RNMT: variants seen among roughly 807,000 people sequenced by gnomAD.
RNMT encodes mRNA cap guanine-N(7) methyltransferase.
Under a neutral mutation model 56.0 loss-of-function variants are expected in RNMT, and 27 were observed. The observed-to-expected ratio is 0.48, with a 90% CI of 0.36 to 0.67. The LOEUF is 0.67. Among genes scored for constraint, RNMT ranks in the 30% least tolerant of loss-of-function variants. The pLI is 0.00. For missense variants in RNMT, 519 were observed against 552.1 expected, an observed-to-expected ratio of 0.94 and a Z score of 0.60; for synonymous variants, 184 against 176.2, an observed-to-expected ratio of 1.04 and a Z score of -0.35.
intron 3 of RNMT, among the ~76,000 whole-genome samples, chr18:13,732,738 C>T (rs2044092592): frequency 7.5e-5 from 1 of 13,368 alleles, no homozygotes; most frequent in Non-Finnish European, 1.7e-4. Flanking sequence ...GAGGGGAGCC[C>T]CCCCTTTTTT....
At chr18:13,737,993 G>C (rs994840949) in intron 5 of RNMT, among the ~76,000 whole-genome samples, 2 of 151,448 alleles carry the variant, frequency 1.3e-5, no homozygotes, top group Non-Finnish European at 2.9e-5. Flanking sequence ...AAAGTCGATA[G>C]TAACGCAATG....
chr18:13,734,205 T>C (rs2044121742), intron 3 of RNMT, among the ~76,000 whole-genome samples: 2 of 152,350 alleles, frequency 1.3e-5, no homozygotes, highest in East Asian at 1.9e-4. Context: ...TGTGAGTCCA[T>C]TGAACCTCTT....
intron 11 of RNMT, 61 bp from the exon 12 acceptor site, chr18:13,759,881 C>A: frequency 7.0e-7 from 1 of 1,435,476 alleles, no homozygotes; most frequent in Non-Finnish European, 9.8e-7. Context: ...ATGAACAAGA[C>A]AGATTGTTTT....
chr18:13,742,971 G>GTTT (rs375539841), intron 8 of RNMT: 59 of 143,420 alleles, frequency 4.1e-4, no homozygotes, highest in Middle Eastern at 3.5e-3. Context: ...AATAGCAAAA[G>GTTT]TTTTTTTTTT....
chr18:13,733,170 G>T (rs1439423693), intron 3 of RNMT, among the ~76,000 whole-genome samples: 1 of 152,124 alleles, frequency 6.6e-6, no homozygotes, highest in Non-Finnish European at 1.5e-5. Context: ...TCAAGGATTT[G>T]TTTGAAAGGC....
intron 9 of RNMT, among the ~76,000 whole-genome samples, chr18:13,746,875 T>C (rs1429326891): frequency 6.6e-6 from 1 of 152,242 alleles, no homozygotes; most frequent in Admixed American, 6.5e-5. Flanking sequence ...ATAATTTTAT[T>C]GCATGGTAAT....
chr18:13,763,312 A>G lies in RNMT; in HGVS notation c.*3333A>G. Reference sequence around the variant, plus strand: ...GCAGATGCATACAGGACTGGATCCCAGGGCACTGTCAGTTCTTCCCTCCCT... The same window carrying G: ...GCAGATGCATACAGGACTGGATCCCGGGGCACTGTCAGTTCTTCCCTCCCT... On this transcript the variant is annotated 3_prime_UTR_variant, in exon 12 of 12. Coordinates refer to ENST00000383314, the MANE Select transcript of RNMT (RefSeq NM_003799.3). 1 of 355,006 alleles carries G rather than the reference A, an allele frequency of 2.8e-6. No homozygotes were observed. The highest frequency in any genetic ancestry group is 5.7e-6 in the Non-Finnish European group (1 of 176,222). The allele number at this position is 355,006 out of a possible 1,614,324, so 22.0% of individuals were successfully genotyped here.
At chr18:13,757,980 A>T (rs1317324001) in intron 11 of RNMT, among the ~76,000 whole-genome samples, 1 of 152,240 alleles carries the variant, frequency 6.6e-6, no homozygotes, top group Non-Finnish European at 1.5e-5. Flanking sequence ...GTACATCTTC[A>T]TCAGACCTCC....
rs143290824 is a variant in RNMT, at chr18:13,731,836, A to G, written c.319A>G (p.Arg107Gly). The G allele has an allele frequency of 4.4e-4, 708 of 1,613,520 alleles. 1 individual carries two copies. The highest frequency in any genetic ancestry group is 5.7e-4 in the Non-Finnish European group (674 of 1,179,918). Residue 107 changes from arginine to glycine, a missense_variant, in exon 3 of 12, where the codon AGA (arginine) becomes GGA (glycine). Arg to Gly is a moderately radical substitution (Grantham distance 125). Coordinates refer to ENST00000383314, the MANE Select transcript of RNMT (RefSeq NM_003799.3). ...DAEGNSKKRK[R>G]ETEDVPKDKS... is the part of the protein sequence containing the mutation. ...TGAAGGCAATTCAAAGAAAAGAAAA[A>G]GAGAAACTGAGGATGTTCCAAAAGA...
intron 5 of RNMT, among the ~76,000 whole-genome samples, chr18:13,738,369 C>G (rs556061916): frequency 2.6e-4 from 40 of 152,306 alleles, no homozygotes; most frequent in Admixed American, 2.4e-3. Context: ...ACTGGATTCT[C>G]ACACCTGTTT....
Position 13,741,587 on chromosome 18 carries a change from A to C in RNMT, c.870A>C (p.Ser290=). The change falls in exon 7 of 12, where the codon TCA becomes TCC. Residue 290 remains serine, a synonymous_variant. Transcript: ENST00000383314. ...GTTGTCAGTTTGTCTGTCATTACTC[A>C]TTTGAGTCTTATGAGCAGGCTGACA... ...ICSCQFVCHY[S]FESYEQADMM... The C allele has an allele frequency of 2.5e-6, 4 of 1,614,004 alleles. No homozygotes were observed. Among genetic ancestry groups the C allele is most frequent in the Non-Finnish European group, 3.4e-6 (4 of 1,179,896 alleles).
At chr18:13,742,848 G>A in intron 8 of RNMT, 196 bp downstream of exon 8, 1 of 428,478 alleles carries the variant, frequency 2.3e-6, no homozygotes. Flanking sequence ...TATTGCCATA[G>A]GTCTCATAAT....
chr18:13,757,152 T>TA (rs138831798), intron 11 of RNMT, among the ~76,000 whole-genome samples: 7,001 of 152,214 alleles, frequency 0.046, 541 homozygotes, highest in African/African-American at 0.16. Flanking sequence ...ACTTCATTGG[T>TA]AAAAAAATGC....
In RNMT at chr18:13,762,752, A is replaced by G. The variant is rs1447156361; in HGVS notation, c.*2773A>G. On this transcript the variant is annotated 3_prime_UTR_variant, in exon 12 of 12. Transcript: ENST00000383314. ...AAGCTTGCTCAGCCATGAGATGGCCAGGTATCCAGTTTTGTTAACTCTCTT... is the reference window on the plus strand; with the variant it reads ...AAGCTTGCTCAGCCATGAGATGGCCGGGTATCCAGTTTTGTTAACTCTCTT... The G allele has an allele frequency of 3.7e-6, 1 of 271,636 alleles. No individual in the cohort carries two copies. The highest frequency in any genetic ancestry group is 7.3e-6 in the Non-Finnish European group (1 of 136,766). The allele number at this position is 271,636 out of a possible 1,614,324, so 16.8% of individuals were successfully genotyped here. A position where few individuals can be genotyped will look rare whatever the true frequency, so the allele number is the denominator to read the frequency against.
chr18:13,749,446 GGTTA>G (rs1437226418), intron 9 of RNMT, among the ~76,000 whole-genome samples: 11 of 152,248 alleles, frequency 7.2e-5, no homozygotes, highest in African/African-American at 2.6e-4. Context: ...CAAATAAATA[GGTTA>G]ATTTCTAATG....
intron 5 of RNMT, among the ~76,000 whole-genome samples, chr18:13,738,364 A>G (rs994787960): frequency 6.6e-6 from 1 of 152,230 alleles, no homozygotes; most frequent in African/African-American, 2.4e-5. Flanking sequence ...AGACAACTGG[A>G]TTCTCACACC....
intron 5 of RNMT, among the ~76,000 whole-genome samples, chr18:13,737,630 A>C (rs1283865439): frequency 6.6e-6 from 1 of 152,192 alleles, no homozygotes; most frequent in African/African-American, 2.4e-5. Context: ...CCCAAAAGGA[A>C]GGAAGCTATC....
chr18:13,761,997 C>T lies in RNMT; in HGVS notation c.*2018C>T. The T allele has an allele frequency of 6.5e-7, 1 of 1,535,628 alleles. No homozygotes were observed. Among genetic ancestry groups the T allele is most frequent in the Non-Finnish European group, 8.7e-7 (1 of 1,146,606 alleles). On this transcript the variant is annotated 3_prime_UTR_variant, in exon 12 of 12. Coordinates refer to ENST00000383314, the MANE Select transcript of RNMT (RefSeq NM_003799.3). ...TGGAAGGGAGCTAGTAGGACTCTTCCTTGACACACCTTGTCGTCTAAATGT... is the reference window on the plus strand; with the variant it reads ...TGGAAGGGAGCTAGTAGGACTCTTCTTTGACACACCTTGTCGTCTAAATGT...
At chr18:13,739,113 G>A (rs1179996247) in intron 5 of RNMT, among the ~76,000 whole-genome samples, 1 of 152,102 alleles carries the variant, frequency 6.6e-6, no homozygotes, top group Non-Finnish European at 1.5e-5. Context: ...CTGCATAACC[G>A]TAGTTTGTCA....
Sources: allele counts gnomAD v4.1 joint callset (sites outside exome capture counted in the v4.1 genomes callset), GRCh38; gene constraint gnomAD v4.1.1; transcripts MANE v1.5; gene names NCBI Gene and HGNC (gene_info 2026-07-23, HGNC 2026-07-21).